ELP4: variants seen among roughly 807,000 people sequenced by gnomAD.
The protein encoded by ELP4 is elongator acetyltransferase complex subunit 4.
A neutral mutation model predicts 48.9 loss-of-function variants in ELP4; 51 were observed. The ratio of observed to expected loss-of-function variants is 1.04; its 90% confidence interval spans 0.83 to 1.32. ELP4 has a LOEUF of 1.32. Among genes scored for constraint, ELP4 ranks in the 40% most tolerant of loss-of-function variants. ELP4 has a pLI of 0.00. For missense variants in ELP4, 519 were observed against 514.6 expected (o/e 1.01, Z -0.08); for synonymous variants, 210 against 189.2 (o/e 1.11, Z -0.90).
Position 31,787,013 on chromosome 11 carries a change from G to A in ELP4, c.*3489G>A, listed in dbSNP as rs929995897. On this transcript the variant is annotated 3_prime_UTR_variant, in exon 10 of 10. Transcript: ENST00000640961. ...CCCATTGATAAATATATAAATATAT[G>A]TATCGTTAAATAAATAATAAACAAA... The A allele has an allele frequency of 2.5e-5, 5 of 201,046 alleles. No individual in the cohort carries two copies. The highest frequency in any genetic ancestry group is 4.7e-5 in the Non-Finnish European group (5 of 105,368). 12.5% of individuals were successfully genotyped at this position (201,046 alleles called of 1,614,324 possible).
chr11:31,648,703 A>G (rs1190344343), intron 8 of ELP4: 1 of 151,606 alleles, frequency 6.6e-6, no homozygotes, highest in Admixed American at 6.6e-5. Flanking sequence ...TAAGACAAGT[A>G]TTATGAGCTT....
intron 9 of ELP4, among the ~76,000 whole-genome samples, chr11:31,758,185 G>A (rs1356865908): frequency 2.0e-5 from 3 of 152,156 alleles, no homozygotes; most frequent in Non-Finnish European, 2.9e-5. Flanking sequence ...ACAGCTTAAA[G>A]TTACTGAATT....
chr11:31,614,559 A>G (rs957236484), intron 5 of ELP4, among the ~76,000 whole-genome samples: 3 of 152,214 alleles, frequency 2.0e-5, no homozygotes, highest in Non-Finnish European at 2.9e-5. Flanking sequence ...GCCAGAAAGT[A>G]CCATCCCACA....
chr11:31,731,892 T>C (rs1947197291), intron 9 of ELP4, among the ~76,000 whole-genome samples: 1 of 151,834 alleles, frequency 6.6e-6, no homozygotes, highest in Non-Finnish European at 1.5e-5. Context: ...AATATGAGAA[T>C]GGGATAATAT....
At chr11:31,545,408 A>G (rs570313446) in intron 3 of ELP4, among the ~76,000 whole-genome samples, 1 of 152,204 alleles carries the variant, frequency 6.6e-6, no homozygotes, top group African/African-American at 2.4e-5. Flanking sequence ...AATGAATAAA[A>G]TGAAGCGAGA....
At chr11:31,520,773 T>C (rs866922604) in intron 2 of ELP4, among the ~76,000 whole-genome samples, 1 of 152,124 alleles carries the variant, frequency 6.6e-6, no homozygotes, top group Non-Finnish European at 1.5e-5. Context: ...AAAATACCTA[T>C]TTTTTCATCT....
chr11:31,616,116 C>G (rs1260988762), intron 5 of ELP4, among the ~76,000 whole-genome samples: 1 of 152,044 alleles, frequency 6.6e-6, no homozygotes, highest in Non-Finnish European at 1.5e-5. Flanking sequence ...GGACCCCAGA[C>G]AGCCAAACTA....
chr11:31,643,744 A>G (rs1945145763), intron 7 of ELP4, among the ~76,000 whole-genome samples: 1 of 151,832 alleles, frequency 6.6e-6, no homozygotes, highest in Admixed American at 6.6e-5. Context: ...TTACCCTAAT[A>G]AAAAATGTAT....
intron 2 of ELP4, among the ~76,000 whole-genome samples, chr11:31,538,243 T>A (rs2133904001): frequency 6.7e-6 from 1 of 149,228 alleles, no homozygotes; most frequent in South Asian, 2.1e-4. Flanking sequence ...TCCAGTAATA[T>A]GATATATATT....
intron 9 of ELP4, among the ~76,000 whole-genome samples, chr11:31,699,680 A>G (rs1946480314): frequency 6.6e-6 from 1 of 152,106 alleles, no homozygotes; most frequent in Non-Finnish European, 1.5e-5. Flanking sequence ...ATGCACTACT[A>G]GTTAGTTACT....
At chr11:31,591,861 G>A (rs1239094374) in intron 3 of ELP4, among the ~76,000 whole-genome samples, 8 of 152,126 alleles carry the variant, frequency 5.3e-5, no homozygotes, top group African/African-American at 1.9e-4. Context: ...ATCCATGTAC[G>A]TCAGGTGATG....
At chr11:31,722,721 C>G (rs58590292) in intron 9 of ELP4, among the ~76,000 whole-genome samples, 5 of 148,962 alleles carry the variant, frequency 3.4e-5, no homozygotes, top group Admixed American at 3.3e-4. Context: ...CTCTCTCTCT[C>G]TCTCTTTCTC....
chr11:31,510,114 G>A (rs1592067616), intron 1 of ELP4, 107 bp downstream of exon 1: 7 of 1,022,336 alleles, frequency 6.8e-6, no homozygotes, highest in East Asian at 2.6e-5. Context: ...CTAAACCTTC[G>A]GAGGAGGAGA....
intron 9 of ELP4, among the ~76,000 whole-genome samples, chr11:31,731,703 A>G (rs1246191048): frequency 2.0e-5 from 3 of 152,112 alleles, no homozygotes; most frequent in South Asian, 2.1e-4. Flanking sequence ...TCCAAATTCA[A>G]GAAGCCCAGT....
chr11:31,633,075 A>T (rs1013435105), intron 7 of ELP4: 5 of 152,060 alleles, frequency 3.3e-5, no homozygotes, highest in African/African-American at 1.2e-4. Context: ...CATAATATTA[A>T]ACGTGGTTTT....
chr11:31,689,952 C>A (rs545230964), intron 9 of ELP4, among the ~76,000 whole-genome samples: 1 of 152,220 alleles, frequency 6.6e-6, no homozygotes, highest in South Asian at 2.1e-4. Flanking sequence ...CTGTTCTCCA[C>A]CTCCTCCATA....
intron 3 of ELP4, among the ~76,000 whole-genome samples, chr11:31,578,428 A>G (rs1443851236): frequency 6.6e-6 from 1 of 152,112 alleles, no homozygotes; most frequent in East Asian, 1.9e-4. Context: ...TCACAAAAGG[A>G]GAAAAAACTG....
chr11:31,772,839 T>TA (rs1468419880), intron 9 of ELP4, among the ~76,000 whole-genome samples: 1 of 152,230 alleles, frequency 6.6e-6, no homozygotes, highest in Non-Finnish European at 1.5e-5. Context: ...ATAATTCACT[T>TA]ACTCCCTCTC....
chr11:31,528,456 A>G (rs1956334725), intron 2 of ELP4, among the ~76,000 whole-genome samples: 2 of 152,078 alleles, frequency 1.3e-5, no homozygotes, highest in Non-Finnish European at 2.9e-5. Flanking sequence ...TACTTTTAAG[A>G]CTTTTGTCAT....
Sources: gnomAD v4.1 joint callset for allele counts (sites outside exome capture counted in the v4.1 genomes callset) on GRCh38, gnomAD v4.1.1 for gene constraint, MANE v1.5 for transcripts, NCBI Gene and HGNC (gene_info 2026-07-23, HGNC 2026-07-21) for gene names.